Variants in CLMP observed in about 807,000 individuals in gnomAD.
CLMP encodes the protein CXADR like cell adhesion molecule, also known as CXADR-like membrane protein.
In CLMP, 27 loss-of-function variants were observed where a neutral mutation model predicts 45.2. The ratio of observed to expected loss-of-function variants is 0.60; its 90% CI spans 0.44 to 0.82. The LOEUF is 0.82. CLMP is among the 40% of genes least tolerant of loss of function. CLMP has a pLI of 0.00. For synonymous variants in CLMP, 167 were observed against 171.4 expected (o/e 0.97, Z 0.20); for missense variants, 403 against 448.4 (o/e 0.90, Z 0.91).
intron 1 of CLMP, among the ~76,000 whole-genome samples, chr11:123,115,182 C>T (rs1417706262): frequency 2.0e-5 from 3 of 151,950 alleles, no homozygotes; most frequent in Non-Finnish European, 4.4e-5. Flanking sequence ...TCTGGAACTA[C>T]AAGTGTGCAC....
At position 123,073,210 on chromosome 11, in the gene CLMP, A is replaced by T. The variant is rs1447173323; in HGVS notation, c.*264T>A. ...ACCTTCTCACCACAGGTCCTGGTCA[A>T]CAAATAGATTTGGACTCCTGCTTTC... On this transcript the variant is annotated 3_prime_UTR_variant, in exon 7 of 7. Transcript: ENST00000448775. 2.8e-6 allele frequency: 1 copy of T among 356,130 alleles called. No homozygotes were observed. Among genetic ancestry groups the T allele is most frequent in the Non-Finnish European group, 5.0e-6 (1 of 198,476 alleles). 22.1% of individuals were successfully genotyped at this position (356,130 alleles called of 1,614,324 possible). A position where few individuals can be genotyped will look rare whatever the true frequency, so the allele number is the denominator to read the frequency against.
At chr11:123,190,925 A>G (rs1450553230) in intron 1 of CLMP, among the ~76,000 whole-genome samples, 4 of 152,210 alleles carry the variant, frequency 2.6e-5, no homozygotes, top group Non-Finnish European at 5.9e-5. Context: ...CTACTGAGCT[A>G]GCTGTATAAC....
intron 1 of CLMP, among the ~76,000 whole-genome samples, chr11:123,135,117 A>T (rs12274492): frequency 1.3e-5 from 2 of 151,720 alleles, no homozygotes; most frequent in African/African-American, 4.9e-5. Flanking sequence ...AAAATTAGCC[A>T]GACATGGTGG....
chr11:123,082,884 G>A (rs905000511), intron 5 of CLMP, among the ~76,000 whole-genome samples: 2 of 152,190 alleles, frequency 1.3e-5, no homozygotes, highest in African/African-American at 4.8e-5. Flanking sequence ...TGGGATTACA[G>A]GTGTGAGCCA....
In CLMP at chr11:123,074,415, C is replaced by T. The variant is rs575411127; in HGVS notation, c.821+287G>A. ...AAGGCTGGTTTCAAACTCCTGGCCT[C>T]AAGTAATCCTCCCGCCTCGGCCTCC... On this transcript the variant is annotated intron_variant, in intron 6 of 6. Coordinates refer to ENST00000448775, the MANE Select transcript of CLMP (RefSeq NM_024769.5). 1.1e-4 allele frequency among the ~76,000 whole-genome samples: 17 copies of T among 152,150 alleles called. No individual in the cohort carries two copies. The South Asian group carries it at 3.1e-3, about 28-fold the overall frequency.
Position 123,084,731 on chromosome 11 carries a change from G to A in CLMP, c.187-18C>T. On this transcript the variant is annotated intron_variant, in intron 2 of 6. Coordinates refer to ENST00000448775, the MANE Select transcript of CLMP (RefSeq NM_024769.5). Reference sequence around the variant, plus strand: ...GTGATCACCTGTGGGATAGACCGAGGCAGAGTCAAGCAGCGTAACTCTCAG... The same window carrying A: ...GTGATCACCTGTGGGATAGACCGAGACAGAGTCAAGCAGCGTAACTCTCAG... 1 of 1,606,332 alleles carries A rather than the reference G, an allele frequency of 6.2e-7. No homozygotes were observed. The highest frequency in any genetic ancestry group is 1.7e-5 in the Admixed American group (1 of 59,978).
chr11:123,161,521 A>G (rs931241284), intron 1 of CLMP, among the ~76,000 whole-genome samples: 3 of 152,032 alleles, frequency 2.0e-5, no homozygotes, highest in Non-Finnish European at 4.4e-5. Flanking sequence ...AAAAAATACA[A>G]AGAATTAGCC....
chr11:123,141,132 C>T (rs4584587), intron 1 of CLMP, among the ~76,000 whole-genome samples: 62,004 of 146,590 alleles, frequency 0.42, 14,007 homozygotes, highest in African/African-American at 0.59. Flanking sequence ...CATGAACCAA[C>T]AAACCTCTTT....
In CLMP at chr11:123,136,560, ATTTTTTTTT is replaced by A. The variant is rs34074982; in HGVS notation, c.29-38617_29-38609del. ...GAACTTGGGTTATTACTTTTAAGTA[ATTTTTTTTT>A]TTTTTTTTTTTTTTTTGAGACTGAG... On this transcript the variant is annotated intron_variant, in intron 1 of 6. Coordinates refer to ENST00000448775, the MANE Select transcript of CLMP (RefSeq NM_024769.5). Among the ~76,000 whole-genome samples the A allele has an allele frequency of 7.0e-5, 6 of 85,854 alleles. No individual in the cohort carries two copies. The South Asian group carries it at 1.3e-3, about 19-fold the overall frequency. The allele number at this position is 85,854 out of a possible 152,430, so 56.3% of individuals were successfully genotyped here.
chr11:123,084,984 T>G (rs1339978427), intron 2 of CLMP, among the ~76,000 whole-genome samples: 1 of 152,206 alleles, frequency 6.6e-6, no homozygotes, highest in African/African-American at 2.4e-5. Flanking sequence ...CCACTCCATC[T>G]TACAGGTAAG....
intron 1 of CLMP, among the ~76,000 whole-genome samples, chr11:123,107,561 A>G (rs1293955935): frequency 8.4e-6 from 1 of 118,780 alleles, no homozygotes; most frequent in African/African-American, 3.0e-5. Context: ...TTTCAGAAAC[A>G]GGGTTTCACT....
chr11:123,165,711 TTGTACCCA>T (rs1194426645), intron 1 of CLMP, among the ~76,000 whole-genome samples: 1 of 152,156 alleles, frequency 6.6e-6, no homozygotes, highest in Admixed American at 6.5e-5. Context: ...GCAGTGTTCT[TTGTACCCA>T]GCCCAAAGAC....
intron 1 of CLMP, among the ~76,000 whole-genome samples, chr11:123,166,717 C>T (rs935839617): frequency 6.6e-6 from 1 of 152,104 alleles, no homozygotes; most frequent in African/African-American, 2.4e-5. Context: ...TTCTGTTGCA[C>T]GGCAGGGTGA....
rs556100398 is a variant in CLMP, at chr11:123,073,059, G to A, written c.*415C>T. 1.8e-5 allele frequency: 3 copies of A among 167,192 alleles called. No individual in the cohort carries two copies. The highest frequency in any genetic ancestry group is 2.6e-5 in the Non-Finnish European group (2 of 76,856). The allele number at this position is 167,192 out of a possible 1,614,324, so 10.4% of individuals were successfully genotyped here. On this transcript the variant is annotated 3_prime_UTR_variant, in exon 7 of 7. Transcript: ENST00000448775. ...GTCTGAATAACTAATAATCCAATAAGTTTGCAGAAATGCATAGAAAATTTA... is the reference window on the plus strand; with the variant it reads ...GTCTGAATAACTAATAATCCAATAAATTTGCAGAAATGCATAGAAAATTTA...
intron 1 of CLMP, among the ~76,000 whole-genome samples, chr11:123,105,748 A>T (rs1166973074): frequency 6.6e-6 from 1 of 151,310 alleles, no homozygotes; most frequent in East Asian, 2.0e-4. Flanking sequence ...ATTTTCTCAT[A>T]GATTCTCCTG....
intron 1 of CLMP, among the ~76,000 whole-genome samples, chr11:123,177,955 C>T (rs533946089): frequency 2.2e-4 from 34 of 152,236 alleles, no homozygotes; most frequent in African/African-American, 4.8e-4. Context: ...CTCCGCCTCC[C>T]GGGTTCAAGC....
At chr11:123,080,219 G>C (rs182726636) in intron 5 of CLMP, among the ~76,000 whole-genome samples, 39 of 152,274 alleles carry the variant, frequency 2.6e-4, no homozygotes, top group African/African-American at 7.2e-4. Flanking sequence ...AAAGCAAACT[G>C]CAGTGCTTTT....
chr11:123,133,545 T>C (rs553314227), intron 1 of CLMP, among the ~76,000 whole-genome samples: 81 of 152,316 alleles, frequency 5.3e-4, no homozygotes, highest in African/African-American at 1.9e-3. Flanking sequence ...TGTCCCTAGA[T>C]TTGAGCCCCA....
intron 1 of CLMP, among the ~76,000 whole-genome samples, chr11:123,150,514 A>G (rs1403682522): frequency 2.3e-5 from 3 of 132,816 alleles, no homozygotes; most frequent in African/African-American, 8.9e-5. Flanking sequence ...GAAGGAAGGA[A>G]GGAAGGAAGG....
Sources: gnomAD v4.1 joint callset for allele counts (sites outside exome capture counted in the v4.1 genomes callset) on GRCh38, gnomAD v4.1.1 for gene constraint, MANE v1.5 for transcripts, NCBI Gene and HGNC (gene_info 2026-07-23, HGNC 2026-07-21) for gene names.